Variants in SOX5 observed in about 807,000 individuals in gnomAD.
SOX5 encodes transcription factor SOX-5.
A neutral mutation model predicts 92.0 loss-of-function variants in SOX5; 9 were observed. The ratio of observed to expected loss-of-function variants is 0.10; its 90% CI spans 0.06 to 0.17. The LOEUF is 0.17. Among genes scored for constraint, SOX5 ranks in the 10% least tolerant of loss-of-function variants. The pLI is 1.00. For synonymous variants in SOX5, 344 were observed against 336.3 expected (o/e 1.02, Z -0.25); for missense variants, 642 against 944.5 (o/e 0.68, Z 4.20).
chr12:24,530,194 TAC>T (rs1209407026), intron 1 of SOX5, among the ~76,000 whole-genome samples: 1 of 152,212 alleles, frequency 6.6e-6, no homozygotes, highest in Non-Finnish European at 1.5e-5. Flanking sequence ...ATTTGAATGT[TAC>T]AGTTTACAAA....
At chr12:24,210,329 G>A (rs1224817401) in intron 4 of SOX5, among the ~76,000 whole-genome samples, 1 of 152,190 alleles carries the variant, frequency 6.6e-6, no homozygotes, top group Non-Finnish European at 1.5e-5. Context: ...AGAGGTCAAA[G>A]ATGGCAAGTC....
At chr12:23,928,634 A>G (rs540822107) in intron 1 of SOX5, among the ~76,000 whole-genome samples, 18 of 151,984 alleles carry the variant, frequency 1.2e-4, no homozygotes, top group Non-Finnish European at 1.8e-4. Flanking sequence ...ATTTTTCATT[A>G]TTCATTCCAT....
At chr12:24,120,692 A>G (rs1565476758) in intron 4 of SOX5, among the ~76,000 whole-genome samples, 1 of 152,214 alleles carries the variant, frequency 6.6e-6, no homozygotes, top group Non-Finnish European at 1.5e-5. Flanking sequence ...AACATATAAT[A>G]TGTTTGAGAG....
At chr12:23,651,163 G>A (rs975718869) in intron 7 of SOX5, among the ~76,000 whole-genome samples, 1 of 151,976 alleles carries the variant, frequency 6.6e-6, no homozygotes, top group Admixed American at 6.6e-5. Flanking sequence ...AATGTGGGAA[G>A]CTATTATTTG....
At chr12:24,458,911 A>G (rs184313118) in intron 1 of SOX5, among the ~76,000 whole-genome samples, 1 of 152,314 alleles carries the variant, frequency 6.6e-6, no homozygotes, top group East Asian at 1.9e-4. Context: ...TACAATCACT[A>G]TAGAAGAGAC....
At chr12:24,554,355 T>C (rs1953537051) in intron 1 of SOX5, among the ~76,000 whole-genome samples, 1 of 152,198 alleles carries the variant, frequency 6.6e-6, no homozygotes. Context: ...GTCAAAAGTA[T>C]GAACATCTTT....
chr12:24,248,903 G>A (rs1427190311), intron 3 of SOX5, among the ~76,000 whole-genome samples: 3 of 152,132 alleles, frequency 2.0e-5, no homozygotes, highest in East Asian at 1.9e-4. Context: ...AGATCTTGCC[G>A]TTCAATTGAC....
chr12:24,216,879 GATC>G (rs945563796), intron 3 of SOX5, among the ~76,000 whole-genome samples: 5 of 151,786 alleles, frequency 3.3e-5, no homozygotes, highest in African/African-American at 1.2e-4. Flanking sequence ...AGTGAGCCGA[GATC>G]ACACCACTGC....
intron 3 of SOX5, among the ~76,000 whole-genome samples, chr12:23,837,236 T>TTATATAATATATATTTATATTTATATAA (rs1189084915): frequency 7.4e-5 from 6 of 81,186 alleles, no homozygotes; most frequent in African/African-American, 1.0e-4. Context: ...TAATATATAT[T>TTATATAATATATATTTATATTTATATAA]TATATAATAT....
At chr12:24,463,117 A>C (rs1943828358) in intron 1 of SOX5, among the ~76,000 whole-genome samples, 1 of 151,858 alleles carries the variant, frequency 6.6e-6, no homozygotes, top group African/African-American at 2.4e-5. Flanking sequence ...CTCAGGCAGG[A>C]GGCTCACTTG....
At chr12:23,633,221 G>A (rs2078779093) in intron 8 of SOX5, among the ~76,000 whole-genome samples, 1 of 151,946 alleles carries the variant, frequency 6.6e-6, no homozygotes, top group Admixed American at 6.6e-5. Context: ...AATCTTAGAA[G>A]TGTAGCAAAA....
chr12:24,320,712 A>C, intron 2 of SOX5, among the ~76,000 whole-genome samples: 1 of 151,908 alleles, frequency 6.6e-6, no homozygotes, highest in Non-Finnish European at 1.5e-5. Context: ...AAAAATACAA[A>C]AAATTAGCAG....
chr12:23,811,399 AAG>A (rs1168795372), intron 3 of SOX5, among the ~76,000 whole-genome samples: 1 of 152,160 alleles, frequency 6.6e-6, no homozygotes, highest in Non-Finnish European at 1.5e-5. Flanking sequence ...AAATTTTACC[AAG>A]TTCAATACCT....
intron 7 of SOX5, among the ~76,000 whole-genome samples, chr12:23,648,132 A>C (rs193168358): frequency 3.2e-4 from 49 of 152,344 alleles, no homozygotes; most frequent in African/African-American, 1.0e-3. Flanking sequence ...ATCATTGATC[A>C]CAGATCACCA....
chr12:23,831,435 A>T (rs140282514), intron 3 of SOX5, among the ~76,000 whole-genome samples: 10 of 152,196 alleles, frequency 6.6e-5, no homozygotes, highest in Non-Finnish European at 1.3e-4. Flanking sequence ...TTTGTATTGC[A>T]TTGCACAGTA....
intron 1 of SOX5, among the ~76,000 whole-genome samples, chr12:24,495,981 C>A (rs1947594760): frequency 6.6e-6 from 1 of 152,146 alleles, no homozygotes; most frequent in Non-Finnish European, 1.5e-5. Context: ...AGAAGTGATT[C>A]CATGACTTTA....
chr12:24,099,230 G>A (rs191118605), intron 4 of SOX5, among the ~76,000 whole-genome samples: 23 of 152,242 alleles, frequency 1.5e-4, no homozygotes, highest in Admixed American at 1.1e-3. Context: ...CCTCAAGATT[G>A]CTCTCTTGGA....
At chr12:23,615,463 C>T (rs1330057314) in intron 8 of SOX5, among the ~76,000 whole-genome samples, 1 of 151,926 alleles carries the variant, frequency 6.6e-6, no homozygotes, top group African/African-American at 2.4e-5. Context: ...AAGCCTAGTA[C>T]CCAATTGTTA....
chr12:23,679,347 C>T (rs1593217427), intron 6 of SOX5, among the ~76,000 whole-genome samples: 1 of 152,042 alleles, frequency 6.6e-6, no homozygotes, highest in African/African-American at 2.4e-5. Context: ...GTGAGGATAC[C>T]AGGACATTTC....
Sources: gnomAD v4.1 joint callset for allele counts (sites outside exome capture counted in the v4.1 genomes callset) on GRCh38, gnomAD v4.1.1 for gene constraint, MANE v1.5 for transcripts, NCBI Gene and HGNC (gene_info 2026-07-23, HGNC 2026-07-21) for gene names.